Variants in WDR59 observed in about 807,000 individuals in gnomAD.
WDR59 encodes WD repeat domain 59, also known as GATOR2 complex protein WDR59.
In WDR59, 100 loss-of-function variants were observed where a neutral mutation model predicts 131.2. The observed-to-expected ratio is 0.76, with a 90% CI of 0.65 to 0.90. WDR59 has a LOEUF of 0.90. Ranked by LOEUF, WDR59 falls within the 40% of genes least tolerant of loss-of-function variation. The pLI is 0.00. For synonymous variants in WDR59, 601 were observed against 466.2 expected (o/e 1.29, Z -3.72); for missense variants, 1,203 against 1,262.2 (o/e 0.95, Z 0.71).
intron 5 of WDR59, among the ~76,000 whole-genome samples, chr16:74,949,330 C>CAAAAAAAAAAAAAAAAAAAA: frequency 2.3e-5 from 1 of 42,618 alleles, no homozygotes; most frequent in East Asian, 7.2e-4. Flanking sequence ...TACCTTGTCT[C>CAAAAAAAAAAAAAAAAAAAA]AAAAAAAAAA....
Position 74,880,363 on chromosome 16 carries a change from C to T in WDR59, c.2689+5290G>A, listed in dbSNP as rs538594259. Among the ~76,000 whole-genome samples, 34 of 152,188 alleles carry T rather than the reference C, an allele frequency of 2.2e-4. No individual in the cohort carries two copies. The East Asian group carries it at 6.0e-3, about 27-fold the overall frequency. On this transcript the variant is annotated intron_variant, in intron 25 of 25. Transcript: ENST00000262144. ...TCGGGAGGCTGAGACAGGAGAATGG[C>T]GTGAACCTGGGAGGCGGAGCTTGCA...
chr16:74,899,894 G>A (rs1965466301), intron 18 of WDR59: 2 of 603,264 alleles, frequency 3.3e-6, no homozygotes, highest in Non-Finnish European at 5.0e-6. Context: ...CAGTTGGGAT[G>A]GGAACGACTA....
chr16:74,940,067 T>G (rs1012672154), intron 7 of WDR59, among the ~76,000 whole-genome samples: 8 of 152,078 alleles, frequency 5.3e-5, no homozygotes, highest in African/African-American at 1.9e-4. Context: ...TTTACTCATC[T>G]GTAAAAAAGG....
intron 21 of WDR59, among the ~76,000 whole-genome samples, chr16:74,888,757 G>T (rs898023829): frequency 3.3e-5 from 5 of 152,196 alleles, no homozygotes; most frequent in African/African-American, 4.8e-5. Context: ...GGAGCTCAGA[G>T]GACACTGGAC....
chr16:74,917,116 G>T lies in WDR59; in HGVS notation c.966+813C>A, dbSNP rs529418904. Among the ~76,000 whole-genome samples the T allele has an allele frequency of 7.2e-4, 109 of 152,196 alleles. 1 individual carries two copies. The highest frequency in any genetic ancestry group is 1.4e-3 in the Non-Finnish European group (94 of 68,038). On this transcript the variant is annotated intron_variant, in intron 11 of 25. Coordinates refer to ENST00000262144, the MANE Select transcript of WDR59 (RefSeq NM_030581.4). The stretch of plus-strand genomic sequence containing the variant: ...AAGAAATTTAGCCATCAAATGAGGA[G>T]AGGACAGAACCCTGTGATAAGGCAG...
At chr16:74,898,304 G>A (rs567969877) in intron 18 of WDR59, among the ~76,000 whole-genome samples, 2 of 151,980 alleles carry the variant, frequency 1.3e-5, no homozygotes, top group African/African-American at 2.4e-5. Context: ...CCACTCTGAC[G>A]GGCTTAAATA....
At chr16:74,879,290 G>A (rs1027243072) in intron 25 of WDR59, among the ~76,000 whole-genome samples, 1 of 152,148 alleles carries the variant, frequency 6.6e-6, no homozygotes, top group South Asian at 2.1e-4. Flanking sequence ...TCAGCAGGTC[G>A]AGGCTGCAGT....
At chr16:74,929,639 AG>A (rs2031200233) in intron 8 of WDR59, among the ~76,000 whole-genome samples, 1 of 152,180 alleles carries the variant, frequency 6.6e-6, no homozygotes, top group African/African-American at 2.4e-5. Flanking sequence ...CAAAAAACAA[AG>A]AATAGAACTA....
rs547980732 is a variant in WDR59, at chr16:74,918,155, G to C, written c.887-147C>G. The C allele has an allele frequency of 2.4e-5, 17 of 694,226 alleles. 2 individuals are homozygous for C. In the South Asian group the frequency reaches 2.9e-4, roughly 12 times the overall value. The allele number at this position is 694,226 out of a possible 1,614,324, so 43.0% of individuals were successfully genotyped here. On this transcript the variant is annotated intron_variant, in intron 10 of 25. Coordinates refer to ENST00000262144, the MANE Select transcript of WDR59 (RefSeq NM_030581.4). ...TGCCAGGCACTATTCTAGGTACCAG[G>C]ACTACAGCATGAATAAAATAATTTC...
intron 18 of WDR59, among the ~76,000 whole-genome samples, chr16:74,902,902 T>A (rs940314117): frequency 2.0e-5 from 3 of 151,584 alleles, no homozygotes; most frequent in Non-Finnish European, 2.9e-5. Context: ...GGAAGGGGAC[T>A]ATAGGAAAGT....
chr16:74,876,748 T>C (rs1054549061), intron 25 of WDR59, among the ~76,000 whole-genome samples: 1 of 152,132 alleles, frequency 6.6e-6, no homozygotes, highest in Admixed American at 6.6e-5. Flanking sequence ...CTGCCCTGTA[T>C]ATACACAATG....
chr16:74,965,867 G>A (rs374565515), intron 1 of WDR59, 45 bp from the exon 2 acceptor site: 24 of 1,608,520 alleles, frequency 1.5e-5, no homozygotes, highest in African/African-American at 4.0e-5. Flanking sequence ...AAACCCAGCC[G>A]GGGATAGAAG....
At chr16:74,911,139 C>T (rs1016856582) in intron 14 of WDR59, among the ~76,000 whole-genome samples, 5 of 152,154 alleles carry the variant, frequency 3.3e-5, no homozygotes, top group Non-Finnish European at 7.3e-5. Flanking sequence ...GCTGGGATTA[C>T]GGGAGTGAGC....
rs779585115 is a variant in WDR59, at chr16:74,985,012, C to T, written c.6G>A (p.Ala2=). 4.4e-6 allele frequency: 7 copies of T among 1,581,786 alleles called. No homozygotes were observed. The African/African-American group carries it at 9.4e-5, about 21-fold the overall frequency. M[A]ARWSSENVVV... ...CCACGTTTTCGCTGCTCCATCGCGC[C>T]GCCATCTCCCCCGCCCGGCCGCCGC... is the stretch of plus-strand genomic sequence containing the variant. Residue 2 remains alanine (A), a synonymous_variant, in exon 1 of 26, where the codon GCG becomes GCA. Transcript: ENST00000262144.
chr16:74,958,012 G>C (rs530484122), intron 2 of WDR59, among the ~76,000 whole-genome samples: 1 of 152,128 alleles, frequency 6.6e-6, no homozygotes, highest in Non-Finnish European at 1.5e-5. Context: ...CTGATCCTGC[G>C]ATGGCCAGCT....
rs1204758614 is a variant in WDR59 at position 74,891,043 on chromosome 16, G to A, written c.2083-1228C>T. On this transcript the variant is annotated intron_variant, in intron 20 of 25. Coordinates refer to ENST00000262144, the MANE Select transcript of WDR59 (RefSeq NM_030581.4). Reference sequence around the variant, plus strand: ...GCAGAAGAATCTCTTGAACCTGGGAGGCAGAGGTTGCAGTGAGCCGAGATC... The same window carrying A: ...GCAGAAGAATCTCTTGAACCTGGGAAGCAGAGGTTGCAGTGAGCCGAGATC... Among the ~76,000 whole-genome samples, 4 of 151,614 alleles carry A rather than the reference G, an allele frequency of 2.6e-5. No individual in the cohort carries two copies. In the East Asian group the frequency reaches 5.8e-4, roughly 22 times the overall value.
intron 8 of WDR59, among the ~76,000 whole-genome samples, chr16:74,926,100 C>A (rs2030780071): frequency 7.3e-6 from 1 of 136,844 alleles, no homozygotes; most frequent in African/African-American, 2.7e-5. Flanking sequence ...GCTCTTGTTG[C>A]CCAGGCTGGA....
chr16:74,976,663 G>A (rs139466903), intron 1 of WDR59, among the ~76,000 whole-genome samples: 131 of 152,164 alleles, frequency 8.6e-4, no homozygotes, highest in Non-Finnish European at 1.5e-3. Context: ...GGATGGTCTC[G>A]ATCTTCTGAC....
intron 20 of WDR59, among the ~76,000 whole-genome samples, 163 bp downstream of exon 20, chr16:74,892,321 A>C (rs1965083390): frequency 1.3e-5 from 2 of 152,348 alleles, no homozygotes; most frequent in Non-Finnish European, 2.9e-5. Context: ...AATTTCCAGC[A>C]TTTGGAAAGC....
Sources: allele counts gnomAD v4.1 joint callset (sites outside exome capture counted in the v4.1 genomes callset), GRCh38; gene constraint gnomAD v4.1.1; transcripts MANE v1.5; gene names NCBI Gene and HGNC (gene_info 2026-07-23, HGNC 2026-07-21).